The following ARHGAP21 variants were observed in gnomAD, a reference collection of about 807,000 sequenced individuals.
ARHGAP21 encodes rho GTPase-activating protein 21.
ARHGAP21 carries 38 observed loss-of-function variants against 164.6 expected under a neutral mutation model. That is an observed-to-expected ratio of 0.23 (90% CI 0.18 to 0.30). The LOEUF (loss-of-function observed/expected upper bound fraction) is 0.30. Among genes scored for constraint, ARHGAP21 ranks in the 10% least tolerant of loss-of-function variants. The pLI is 1.00. For missense variants in ARHGAP21, 1,822 were observed against 2,370.7 expected (o/e 0.77, Z 4.81); for synonymous variants, 766 against 857.9 (o/e 0.89, Z 1.87).
At chr10:24,624,395 A>AG (rs1340459112) in intron 7 of ARHGAP21, among the ~76,000 whole-genome samples, 2 of 127,224 alleles carry the variant, frequency 1.6e-5, no homozygotes, top group African/African-American at 6.2e-5. Context: ...GCTGGAGTGC[A>AG]GTGGCGCAAT....
At chr10:24,679,232 G>C (rs2131868516) in intron 2 of ARHGAP21, among the ~76,000 whole-genome samples, 1 of 152,286 alleles carries the variant, frequency 6.6e-6, no homozygotes, top group African/African-American at 2.4e-5. Context: ...ATTTCTCATG[G>C]TTCTAGAGGC....
At chr10:24,608,789 C>G (rs2077137651) in intron 9 of ARHGAP21, among the ~76,000 whole-genome samples, 1 of 151,968 alleles carries the variant, frequency 6.6e-6, no homozygotes, top group African/African-American at 2.4e-5. Context: ...AAAAGCAGCT[C>G]TTTACATTTT....
intron 7 of ARHGAP21, among the ~76,000 whole-genome samples, chr10:24,624,311 T>G (rs1834860308): frequency 6.7e-6 from 1 of 148,726 alleles, no homozygotes; most frequent in East Asian, 2.0e-4. Context: ...AATTAGAATA[T>G]CTGCCTGGGA....
intron 2 of ARHGAP21, among the ~76,000 whole-genome samples, chr10:24,708,538 C>A (rs967438475): frequency 5.3e-5 from 8 of 152,188 alleles, no homozygotes; most frequent in Admixed American, 3.9e-4. Flanking sequence ...AAATAACACA[C>A]ACTGTACCCA....
In ARHGAP21 at chr10:24,600,517, A is replaced by G. The variant is rs577618160; in HGVS notation, c.3132+129T>C. On this transcript the variant is annotated intron_variant, in intron 14 of 25. Transcript: ENST00000396432. Reference sequence around the variant, plus strand: ...CAGGTATGTTTGAGTTTTCCTTTTCATCAACTGTTTTACATGAAAATAGCA... The same window carrying G: ...CAGGTATGTTTGAGTTTTCCTTTTCGTCAACTGTTTTACATGAAAATAGCA... 11 of 1,194,282 alleles carry G rather than the reference A, an allele frequency of 9.2e-6. No individual in the cohort carries two copies. The Admixed American group carries it at 2.2e-4, about 24-fold the overall frequency. 74.0% of individuals were successfully genotyped at this position (1,194,282 alleles called of 1,614,324 possible). A position where few individuals can be genotyped will look rare whatever the true frequency, so the allele number is the denominator to read the frequency against.
At chr10:24,651,425 C>A (rs1838150900) in intron 4 of ARHGAP21, among the ~76,000 whole-genome samples, 1 of 152,174 alleles carries the variant, frequency 6.6e-6, no homozygotes, top group Non-Finnish European at 1.5e-5. Flanking sequence ...TCTTCTTTAT[C>A]CTTTACAAGC....
At chr10:24,658,406 A>G (rs531753364) in intron 4 of ARHGAP21, among the ~76,000 whole-genome samples, 1 of 152,342 alleles carries the variant, frequency 6.6e-6, no homozygotes, top group Admixed American at 6.5e-5. Flanking sequence ...ACTATTCACA[A>G]TAGCAAAGAC....
intron 10 of ARHGAP21, 57 bp from the exon 11 acceptor site, chr10:24,607,658 T>A: frequency 6.2e-7 from 1 of 1,610,494 alleles, no homozygotes; most frequent in East Asian, 2.2e-5. Context: ...CAGATTCTTT[T>A]AACGGTGGAA....
At chr10:24,718,033 G>T (rs1845557738) in intron 2 of ARHGAP21, among the ~76,000 whole-genome samples, 1 of 152,184 alleles carries the variant, frequency 6.6e-6, no homozygotes, top group Non-Finnish European at 1.5e-5. Flanking sequence ...ACAAGGCTAA[G>T]TTATTGGGAA....
At chr10:24,661,341 AAG>A (rs1471612043) in intron 4 of ARHGAP21, among the ~76,000 whole-genome samples, 1 of 152,012 alleles carries the variant, frequency 6.6e-6, no homozygotes, top group East Asian at 1.9e-4. Context: ...TAAAATATAA[AAG>A]AGTGCATACA....
chr10:24,667,254 T>C (rs751640041), intron 3 of ARHGAP21, among the ~76,000 whole-genome samples: 1 of 152,136 alleles, frequency 6.6e-6, no homozygotes, highest in African/African-American at 2.4e-5. Flanking sequence ...TTTTCACAAA[T>C]AGAGATAAGC....
intron 2 of ARHGAP21, among the ~76,000 whole-genome samples, chr10:24,698,278 T>C (rs987389182): frequency 2.6e-5 from 4 of 152,192 alleles, no homozygotes; most frequent in African/African-American, 7.2e-5. Context: ...CTTTTTGTTA[T>C]AACTAGAATT....
chr10:24,614,553 G>C (rs1050246563), intron 9 of ARHGAP21, among the ~76,000 whole-genome samples: 1 of 152,112 alleles, frequency 6.6e-6, no homozygotes, highest in Non-Finnish European at 1.5e-5. Context: ...AGCACTTTGG[G>C]AGGTTGAGGC....
chr10:24,600,089 C>T (rs559822538), intron 14 of ARHGAP21, among the ~76,000 whole-genome samples: 27 of 141,274 alleles, frequency 1.9e-4, no homozygotes, highest in African/African-American at 5.6e-4. Context: ...GCCAAGATCG[C>T]GCCACTGCAC....
chr10:24,631,920 C>T (rs1835891753), intron 6 of ARHGAP21, among the ~76,000 whole-genome samples: 1 of 152,050 alleles, frequency 6.6e-6, no homozygotes, highest in African/African-American at 2.4e-5. Flanking sequence ...AGGGTTTCAC[C>T]ATGTTGCCCA....
chr10:24,639,356 A>T (rs1836749971), intron 4 of ARHGAP21, among the ~76,000 whole-genome samples: 1 of 152,178 alleles, frequency 6.6e-6, no homozygotes, highest in Non-Finnish European at 1.5e-5. Flanking sequence ...AAAAATGGGG[A>T]TGATAATAAT....
chr10:24,640,171 T>C (rs1048544016), intron 4 of ARHGAP21: 1 of 151,918 alleles, frequency 6.6e-6, no homozygotes, highest in Non-Finnish European at 1.5e-5. Flanking sequence ...CTCTTGTCTA[T>C]GGCCATACCA....
intron 7 of ARHGAP21, chr10:24,629,013 T>TTTTTTTA (rs1835569800): frequency 9.9e-6 from 1 of 101,226 alleles, no homozygotes; most frequent in Admixed American, 1.1e-4. Flanking sequence ...TTTTTTTTTT[T>TTTTTTTA]GAGATGAAGT....
At chr10:24,601,436 C>T (rs2076809017) in intron 13 of ARHGAP21, among the ~76,000 whole-genome samples, 1 of 152,146 alleles carries the variant, frequency 6.6e-6, no homozygotes, top group South Asian at 2.1e-4. Context: ...CTTCTGACAG[C>T]ATTAAAATGT....
Sources: gnomAD v4.1 joint callset for allele counts (sites outside exome capture counted in the v4.1 genomes callset) on GRCh38, gnomAD v4.1.1 for gene constraint, MANE v1.5 for transcripts, NCBI Gene and HGNC (gene_info 2026-07-23, HGNC 2026-07-21) for gene names.